The following PTPRT variants were observed in gnomAD, a reference collection of about 807,000 sequenced individuals.
PTPRT encodes the protein protein tyrosine phosphatase receptor type T, also known as receptor-type tyrosine-protein phosphatase T.
In PTPRT, 56 loss-of-function variants were observed where a neutral mutation model predicts 176.8. The ratio of observed to expected loss-of-function variants is 0.32; its 90% CI spans 0.26 to 0.40. PTPRT has a LOEUF of 0.40. Among genes scored for constraint, PTPRT ranks in the 10% least tolerant of loss-of-function variants. PTPRT has a pLI of 1.00. For missense variants in PTPRT, 1,540 were observed against 1,908.2 expected (o/e 0.81, Z 3.60); for synonymous variants, 783 against 739.0 (o/e 1.06, Z -0.96).
chr20:42,724,756 C>T (rs1269866740), intron 6 of PTPRT, among the ~76,000 whole-genome samples: 1 of 152,214 alleles, frequency 6.6e-6, no homozygotes, highest in Admixed American at 6.5e-5. Flanking sequence ...TATCATCCTG[C>T]CATTACGCTC....
chr20:43,149,205 T>A (rs140530962), intron 1 of PTPRT, among the ~76,000 whole-genome samples: 206 of 152,354 alleles, frequency 1.4e-3, no homozygotes, highest in African/African-American at 4.9e-3. Context: ...AAATGATTTA[T>A]CATTTCTAAA....
chr20:42,239,993 C>G (rs1462869483), intron 14 of PTPRT, among the ~76,000 whole-genome samples: 4 of 152,196 alleles, frequency 2.6e-5, no homozygotes, highest in African/African-American at 9.7e-5. Context: ...TCACTGTCAG[C>G]AGCCACCTCC....
chr20:42,527,043 A>T (rs2072285845), intron 7 of PTPRT, among the ~76,000 whole-genome samples: 1 of 137,842 alleles, frequency 7.3e-6, no homozygotes, highest in Non-Finnish European at 1.5e-5. Context: ...AGCTCACTGC[A>T]AGCTCCTCCT....
chr20:42,247,137 T>G (rs2056465652), intron 14 of PTPRT, among the ~76,000 whole-genome samples: 1 of 152,096 alleles, frequency 6.6e-6, no homozygotes, highest in South Asian at 2.1e-4. Flanking sequence ...AACCAGAAAA[T>G]CAGTAGATGG....
intron 7 of PTPRT, among the ~76,000 whole-genome samples, chr20:42,637,082 G>A (rs2074619521): frequency 6.6e-6 from 1 of 152,004 alleles, no homozygotes; most frequent in South Asian, 2.1e-4. Flanking sequence ...TCACCAAGAG[G>A]GTTTCCTAAG....
intron 12 of PTPRT, among the ~76,000 whole-genome samples, chr20:42,296,988 T>G (rs1342072152): frequency 6.6e-6 from 1 of 151,508 alleles, no homozygotes; most frequent in Non-Finnish European, 1.5e-5. Context: ...AAATACAAAT[T>G]TAAAAAATTT....
chr20:42,100,156 C>A (rs2146224676), intron 26 of PTPRT, among the ~76,000 whole-genome samples: 1 of 152,338 alleles, frequency 6.6e-6, no homozygotes, highest in Admixed American at 6.5e-5. Flanking sequence ...TGGTGCCCAA[C>A]ACTCAGTGAA....
At chr20:42,666,318 G>C (rs2146022578) in intron 7 of PTPRT, among the ~76,000 whole-genome samples, 2 of 151,866 alleles carry the variant, frequency 1.3e-5, no homozygotes, top group East Asian at 3.9e-4. Context: ...ATTTATTTTT[G>C]TGAAAGGGTT....
At chr20:42,586,257 G>T (rs1224671216) in intron 7 of PTPRT, among the ~76,000 whole-genome samples, 1 of 152,220 alleles carries the variant, frequency 6.6e-6, no homozygotes, top group East Asian at 1.9e-4. Context: ...CAGAACTTTG[G>T]CAGCCACAAT....
chr20:42,322,129 A>C (rs907886342), intron 11 of PTPRT, among the ~76,000 whole-genome samples: 12 of 152,154 alleles, frequency 7.9e-5, no homozygotes, highest in Non-Finnish European at 1.8e-4. Context: ...CAAATGGAAG[A>C]ACATTCCATG....
intron 27 of PTPRT, among the ~76,000 whole-genome samples, chr20:42,096,769 T>TAA (rs1985293454): frequency 6.7e-6 from 1 of 148,690 alleles, no homozygotes; most frequent in African/African-American, 2.5e-5. Flanking sequence ...TTTTTTTTTT[T>TAA]TTTTTTTTTT....
intron 1 of PTPRT, among the ~76,000 whole-genome samples, chr20:43,086,850 A>C (rs1325374267): frequency 6.6e-6 from 1 of 152,236 alleles, no homozygotes; most frequent in African/African-American, 2.4e-5. Flanking sequence ...AAATGCCAGC[A>C]GAACTGGGTA....
intron 10 of PTPRT, 43 bp downstream of exon 10, chr20:42,352,041 G>A (rs2145521300): frequency 1.3e-6 from 2 of 1,579,026 alleles, no homozygotes; most frequent in South Asian, 1.1e-5. Context: ...AGGAAGTGGG[G>A]GTGAAACAAC....
chr20:43,092,890 C>A (rs754576054), intron 1 of PTPRT, among the ~76,000 whole-genome samples: 1 of 152,182 alleles, frequency 6.6e-6, no homozygotes, highest in African/African-American at 2.4e-5. Context: ...GCTGCCTAAC[C>A]TAGCCTATAC....
intron 15 of PTPRT, among the ~76,000 whole-genome samples, chr20:42,235,047 T>C (rs2056212825): frequency 6.6e-6 from 1 of 152,210 alleles, no homozygotes; most frequent in African/African-American, 2.4e-5. Flanking sequence ...AATCCCACTC[T>C]TTTGCTAGCT....
intron 11 of PTPRT, among the ~76,000 whole-genome samples, chr20:42,320,739 G>C (rs1330770864): frequency 6.6e-6 from 1 of 152,046 alleles, no homozygotes; most frequent in East Asian, 1.9e-4. Flanking sequence ...GGGAGCTCTG[G>C]AGCATAAATT....
At chr20:42,740,304 G>A (rs1202797770) in intron 6 of PTPRT, among the ~76,000 whole-genome samples, 1 of 152,164 alleles carries the variant, frequency 6.6e-6, no homozygotes, top group Non-Finnish European at 1.5e-5. Flanking sequence ...GATGTGATCT[G>A]CACAGAGACA....
intron 14 of PTPRT, among the ~76,000 whole-genome samples, chr20:42,238,817 C>T (rs932603962): frequency 1.3e-5 from 2 of 152,138 alleles, no homozygotes; most frequent in Non-Finnish European, 2.9e-5. Flanking sequence ...TACAATAAGC[C>T]TTAGCATCTC....
chr20:42,578,955 T>A (rs1568991621), intron 7 of PTPRT, among the ~76,000 whole-genome samples: 5 of 144,364 alleles, frequency 3.5e-5, no homozygotes, highest in Non-Finnish European at 7.4e-5. Context: ...ATGTGCACAA[T>A]GTGCACGTTT....
Sources: gnomAD v4.1 joint callset for allele counts (sites outside exome capture counted in the v4.1 genomes callset) on GRCh38, gnomAD v4.1.1 for gene constraint, MANE v1.5 for transcripts, NCBI Gene and HGNC (gene_info 2026-07-23, HGNC 2026-07-21) for gene names.